Variants in TMPRSS11F observed in about 807,000 individuals in gnomAD.
TMPRSS11F encodes the protein transmembrane serine protease 11F, also known as transmembrane protease serine 11F.
In TMPRSS11F, 47 loss-of-function variants were observed where a neutral mutation model predicts 60.2. The observed-to-expected ratio is 0.78, with a 90% CI of 0.62 to 1.00. The LOEUF (loss-of-function observed/expected upper bound fraction) is 1.00, where lower values mean the gene tolerates loss of function less well. Among genes scored for constraint, TMPRSS11F ranks in the 50% least tolerant of loss-of-function variants. The pLI is 0.00. For synonymous variants in TMPRSS11F, 166 were observed against 167.3 expected, an observed-to-expected ratio of 0.99 and a Z score of 0.06; for missense variants, 519 against 522.9, an observed-to-expected ratio of 0.99 and a Z score of 0.07.
chr4:68,115,115 C>T (rs1400109234), intron 1 of TMPRSS11F, among the ~76,000 whole-genome samples: 10 of 151,162 alleles, frequency 6.6e-5, no homozygotes, highest in East Asian at 1.9e-4. Flanking sequence ...TTTGGGAGGC[C>T]GATGCGGGCA....
intron 2 of TMPRSS11F, among the ~76,000 whole-genome samples, chr4:68,091,266 T>C (rs945942431): frequency 6.6e-6 from 1 of 152,116 alleles, no homozygotes; most frequent in African/African-American, 2.4e-5. Context: ...AACCTATCTT[T>C]GGTTTTATGA....
At chr4:68,129,560 C>A (rs1277758282) in intron 1 of TMPRSS11F, among the ~76,000 whole-genome samples, 1 of 152,028 alleles carries the variant, frequency 6.6e-6, no homozygotes, top group African/African-American at 2.4e-5. Context: ...ATATAGTTAA[C>A]TTATTACCTC....
chr4:68,057,873 A>G (rs1006424916), intron 9 of TMPRSS11F, among the ~76,000 whole-genome samples: 11 of 74,606 alleles, frequency 1.5e-4, no homozygotes, highest in East Asian at 1.3e-3. Flanking sequence ...TACAAAATAA[A>G]TATTATGCAG....
At position 68,059,324 on chromosome 4, in the gene TMPRSS11F, A is replaced by G. The variant is rs1399615755; in HGVS notation, c.1158+2T>C. 1.2e-6 allele frequency: 2 copies of G among 1,613,138 alleles called. No homozygotes were observed. The highest frequency in any genetic ancestry group is 2.2e-5 in the South Asian group (2 of 90,972). ...AACTTTTGGCCTTGACTTTAAACTT[A>G]CCTTACATGCATCTATTTTTCCTTC... On this transcript the variant is annotated splice_donor_variant, in intron 9 of 9. Coordinates refer to ENST00000356291, the MANE Select transcript of TMPRSS11F (RefSeq NM_207407.2). LOFTEE classifies it high-confidence loss of function.
chr4:68,088,324 A>G (rs1052376150), intron 3 of TMPRSS11F, among the ~76,000 whole-genome samples: 8 of 151,490 alleles, frequency 5.3e-5, no homozygotes, highest in Non-Finnish European at 8.8e-5. Context: ...AAAGGGATCA[A>G]TTCAACAAGA....
intron 1 of TMPRSS11F, among the ~76,000 whole-genome samples, chr4:68,102,999 G>A (rs377279719): frequency 5.1e-5 from 3 of 58,558 alleles, no homozygotes; most frequent in Non-Finnish European, 7.6e-5. Context: ...TTTTTTTTTT[G>A]TAAGGTGTAA....
chr4:68,128,223 A>G (rs979115168), intron 1 of TMPRSS11F, among the ~76,000 whole-genome samples: 5 of 152,152 alleles, frequency 3.3e-5, no homozygotes, highest in Non-Finnish European at 7.4e-5. Context: ...ATCTTTATAC[A>G]CAAGATATAT....
intron 2 of TMPRSS11F, among the ~76,000 whole-genome samples, chr4:68,091,875 C>T (rs1431725457): frequency 3.9e-5 from 6 of 151,918 alleles, no homozygotes; most frequent in Non-Finnish European, 1.5e-5. Flanking sequence ...CAACCTCCAC[C>T]TCCTAGGTTC....
intron 8 of TMPRSS11F, chr4:68,063,356 C>G: frequency 2.3e-6 from 1 of 436,582 alleles, no homozygotes; most frequent in South Asian, 1.8e-5. Context: ...ATCTTTTTCT[C>G]TCTTTTTTTT....
At chr4:68,112,670 C>T (rs893158395) in intron 1 of TMPRSS11F, among the ~76,000 whole-genome samples, 1 of 152,064 alleles carries the variant, frequency 6.6e-6, no homozygotes, top group Non-Finnish European at 1.5e-5. Flanking sequence ...AGACAGTAAA[C>T]TCCACAGAGT....
At chr4:68,098,176 G>A (rs1724109919) in intron 2 of TMPRSS11F, among the ~76,000 whole-genome samples, 1 of 152,020 alleles carries the variant, frequency 6.6e-6, no homozygotes, top group Non-Finnish European at 1.5e-5. Flanking sequence ...GTAGTGGCAG[G>A]TGCCTATAAT....
intron 1 of TMPRSS11F, among the ~76,000 whole-genome samples, chr4:68,100,295 C>A (rs922214892): frequency 1.3e-5 from 2 of 152,078 alleles, no homozygotes; most frequent in Non-Finnish European, 2.9e-5. Context: ...GAAATTTACT[C>A]TGGAGGAGGT....
intron 1 of TMPRSS11F, among the ~76,000 whole-genome samples, chr4:68,109,502 A>C (rs2109879674): frequency 6.6e-6 from 1 of 152,316 alleles, no homozygotes; most frequent in Middle Eastern, 3.4e-3. Context: ...AAATTTTATA[A>C]GTCTGCTTCT....
At chr4:68,111,342 T>C (rs1724406885) in intron 1 of TMPRSS11F, among the ~76,000 whole-genome samples, 1 of 152,146 alleles carries the variant, frequency 6.6e-6, no homozygotes, top group Non-Finnish European at 1.5e-5. Flanking sequence ...CTTTGCCTAC[T>C]GTATTAAAAA....
chr4:68,098,666 C>T (rs531736169), intron 2 of TMPRSS11F, among the ~76,000 whole-genome samples: 8 of 152,166 alleles, frequency 5.3e-5, no homozygotes, highest in Non-Finnish European at 1.2e-4. Context: ...TTATGTATTT[C>T]TTTTAGATAC....
intron 1 of TMPRSS11F, among the ~76,000 whole-genome samples, chr4:68,108,600 A>G (rs370272233): frequency 6.6e-6 from 1 of 152,186 alleles, no homozygotes; most frequent in East Asian, 1.9e-4. Context: ...CAGCCTTTAC[A>G]TGCCATGTAC....
At chr4:68,102,649 C>A (rs1002524046) in intron 1 of TMPRSS11F, among the ~76,000 whole-genome samples, 1 of 152,102 alleles carries the variant, frequency 6.6e-6, no homozygotes, top group Admixed American at 6.6e-5. Context: ...GTCTTTTGCA[C>A]ATTTTTTAAT....
At chr4:68,090,749 C>G in intron 2 of TMPRSS11F, 108 bp from the exon 3 acceptor site, 1 of 1,459,200 alleles carries the variant, frequency 6.9e-7, no homozygotes, top group East Asian at 2.6e-5. Context: ...CAGTTTATTT[C>G]TACTTAGTGT....
At chr4:68,127,785 G>A (rs1385511761) in intron 1 of TMPRSS11F, among the ~76,000 whole-genome samples, 1 of 151,714 alleles carries the variant, frequency 6.6e-6, no homozygotes, top group African/African-American at 2.4e-5. Flanking sequence ...TAATACTTAA[G>A]ATACAGAAAA....
Sources: allele counts gnomAD v4.1 joint callset (sites outside exome capture counted in the v4.1 genomes callset), GRCh38; gene constraint gnomAD v4.1.1; transcripts MANE v1.5; gene names NCBI Gene and HGNC (gene_info 2026-07-23, HGNC 2026-07-21).